Variants in TRERF1 observed in about 807,000 individuals in gnomAD.
The protein encoded by TRERF1 is transcriptional-regulating factor 1.
In TRERF1, 27 loss-of-function variants were observed where a neutral mutation model predicts 122.9. The ratio of observed to expected loss-of-function variants is 0.22; its 90% CI spans 0.16 to 0.30. TRERF1 has a LOEUF of 0.30. TRERF1 is among the 10% of genes least tolerant of loss of function. The pLI is 1.00. For missense variants in TRERF1, 1,248 were observed against 1,560.3 expected (o/e 0.80, Z 3.37); for synonymous variants, 636 against 641.7 (o/e 0.99, Z 0.13).
intron 2 of TRERF1, among the ~76,000 whole-genome samples, chr6:42,411,627 C>A (rs569178062): frequency 2.0e-5 from 3 of 152,306 alleles, no homozygotes; most frequent in African/African-American, 7.2e-5. Context: ...TCAGACCAGA[C>A]ATGACTATAA....
chr6:42,238,595 G>A (rs1297504572), intron 15 of TRERF1, among the ~76,000 whole-genome samples: 1 of 152,060 alleles, frequency 6.6e-6, no homozygotes, highest in African/African-American at 2.4e-5. Context: ...TATGGGGGTG[G>A]GGAGGAGGCC....
intron 3 of TRERF1, among the ~76,000 whole-genome samples, chr6:42,346,369 C>T (rs1242708215): frequency 6.6e-6 from 1 of 152,200 alleles, no homozygotes; most frequent in Non-Finnish European, 1.5e-5. Context: ...GGGCCGACTC[C>T]CCCTGAAGGC....
chr6:42,385,250 T>A lies in TRERF1; in HGVS notation c.-453-22171A>T, dbSNP rs115366790. Among the ~76,000 whole-genome samples, 1,275 of 152,240 alleles carry A rather than the reference T, an allele frequency of 8.4e-3. 21 individuals are homozygous for A. Among genetic ancestry groups the A allele is most frequent in the Admixed American group, 0.037 (573 of 15,288 alleles). ...CCTTGGCCTCCCAAAGTACCGAGATTACAGGTGTGAGCCACTGCACCCGAC... is the reference window on the plus strand; with the variant it reads ...CCTTGGCCTCCCAAAGTACCGAGATAACAGGTGTGAGCCACTGCACCCGAC... On this transcript the variant is annotated intron_variant, in intron 2 of 17. Coordinates refer to ENST00000372922, the Ensembl canonical transcript of TRERF1.
chr6:42,256,718 G>A lies in TRERF1; in HGVS notation c.2580+10C>T. On this transcript the variant is annotated intron_variant, in intron 12 of 17. Coordinates refer to ENST00000372922, the Ensembl canonical transcript of TRERF1. The stretch of plus-strand genomic sequence containing the variant: ...GGAATTTGTAAAGCCTCTTTTTCAT[G>A]GTTCCTTACCATCACATCACCTTTG... 6.2e-7 allele frequency: 1 copy of A among 1,610,482 alleles called. No individual in the cohort carries two copies. Among genetic ancestry groups the A allele is most frequent in the Non-Finnish European group, 8.5e-7 (1 of 1,176,840 alleles).
intron 2 of TRERF1, among the ~76,000 whole-genome samples, chr6:42,421,682 G>A (rs1004234365): frequency 1.3e-5 from 2 of 152,080 alleles, no homozygotes; most frequent in Non-Finnish European, 2.9e-5. Context: ...GCTGAGGCAG[G>A]AGAACTGCTT....
intron 2 of TRERF1, among the ~76,000 whole-genome samples, chr6:42,423,244 T>C (rs1039217358): frequency 3.3e-5 from 5 of 152,246 alleles, no homozygotes; most frequent in Admixed American, 6.5e-5. Context: ...AAGCTGGTTC[T>C]CTCATACAAA....
chr6:42,397,107 T>C (rs1159823627), intron 2 of TRERF1, among the ~76,000 whole-genome samples: 2 of 152,140 alleles, frequency 1.3e-5, no homozygotes, highest in African/African-American at 2.4e-5. Flanking sequence ...GATTAACTGA[T>C]CTGCAGCCCT....
chr6:42,397,555 C>T (rs749315022), intron 2 of TRERF1, among the ~76,000 whole-genome samples: 2 of 152,170 alleles, frequency 1.3e-5, no homozygotes, highest in Non-Finnish European at 2.9e-5. Flanking sequence ...ATGCCTTTGC[C>T]CCAGGAAATG....
chr6:42,268,897 G>C lies in TRERF1; in HGVS notation c.694C>G (p.Leu232Val). The stretch of plus-strand genomic sequence containing the variant: ...AGAGGCTGCTGGTAGTCATAATACA[G>C]GTGCCCTTGGGTAGGGTGCTGCCCG... The change falls in exon 5 of 18, where the codon CTG (leucine) becomes GTG (valine). Residue 232 changes from leucine (L) to valine (V), a missense_variant. Physicochemically the swap from Leu to Val is conservative, Grantham distance 32. Coordinates refer to ENST00000372922, the Ensembl canonical transcript of TRERF1. The surrounding 1 kb of genome is among the most constrained non-coding windows in gnomAD (Gnocchi z 4.4). 1 of 1,613,600 alleles carries C rather than the reference G, an allele frequency of 6.2e-7. No individual in the cohort carries two copies. The highest frequency in any genetic ancestry group is 8.5e-7 in the Non-Finnish European group (1 of 1,179,576).
intron 13 of TRERF1, among the ~76,000 whole-genome samples, chr6:42,248,784 G>C (rs941586959): frequency 4.6e-5 from 7 of 152,312 alleles, no homozygotes; most frequent in African/African-American, 9.6e-5. Flanking sequence ...CGGAGCCTCA[G>C]GGGGGCTGGG....
At chr6:42,349,836 A>G (rs1247849926) in intron 3 of TRERF1, among the ~76,000 whole-genome samples, 2 of 152,110 alleles carry the variant, frequency 1.3e-5, no homozygotes, top group African/African-American at 4.8e-5. Context: ...CCAATATCCC[A>G]CTGATTTATT....
chr6:42,417,831 A>T (rs1468319712), intron 2 of TRERF1, among the ~76,000 whole-genome samples: 1 of 152,256 alleles, frequency 6.6e-6, no homozygotes, highest in Non-Finnish European at 1.5e-5. Context: ...CCAGACTTGC[A>T]TTCAAAGAAA....
chr6:42,291,503 GT>G lies in TRERF1; in HGVS notation c.-259+9134del, dbSNP rs1784316358. Among the ~76,000 whole-genome samples the G allele has an allele frequency of 4.0e-5, 6 of 151,426 alleles. No homozygotes were observed. In the South Asian group the frequency reaches 1.2e-3, roughly 31 times the overall value. The stretch of plus-strand genomic sequence containing the variant: ...TTAAAAGCTCCAGTTATCTGGACAA[GT>G]TTTTTGTTTTGTTTTGTTTCGTTTT... On this transcript the variant is annotated intron_variant, in intron 4 of 17. Coordinates refer to ENST00000372922, the Ensembl canonical transcript of TRERF1.
chr6:42,313,743 T>C (rs1167550854), intron 3 of TRERF1, among the ~76,000 whole-genome samples: 2 of 152,168 alleles, frequency 1.3e-5, no homozygotes, highest in South Asian at 2.1e-4. Flanking sequence ...TGAAGGCATA[T>C]GTGGTGGGGC....
chr6:42,398,331 A>G (rs1778921679), intron 2 of TRERF1, among the ~76,000 whole-genome samples: 1 of 152,200 alleles, frequency 6.6e-6, no homozygotes, highest in East Asian at 1.9e-4. Flanking sequence ...CCAGGACAGA[A>G]TCACCTCTGA....
intron 15 of TRERF1, among the ~76,000 whole-genome samples, chr6:42,238,204 C>T (rs914022803): frequency 1.3e-5 from 2 of 152,170 alleles, no homozygotes; most frequent in African/African-American, 2.4e-5. Context: ...TACAGTTTGG[C>T]ATTTAAAAAT....
At position 42,259,609 on chromosome 6, in the gene TRERF1, G is replaced by C. The variant is rs1305352199; in HGVS notation, c.1999C>G (p.Pro667Ala). ...GCAGCGGGGTTCGGGTTGTAGGAGG[G>C]CGGCGGCGGGATGAAGAGAGGTTCC... The change falls in exon 9 of 18, where the codon CCC (proline) becomes GCC (alanine). Residue 667 changes from proline to alanine, a missense_variant. This residue lies in a region of TRERF1 where 946 missense variants were observed against 1,073.0 expected (regional missense o/e 0.88). Coordinates refer to ENST00000372922, the Ensembl canonical transcript of TRERF1. The surrounding 1 kb of genome is among the most constrained non-coding windows in gnomAD (Gnocchi z 4.9). 1 of 1,613,704 alleles carries C rather than the reference G, an allele frequency of 6.2e-7. No individual in the cohort carries two copies. Among genetic ancestry groups the C allele is most frequent in the Non-Finnish European group, 8.5e-7 (1 of 1,179,966 alleles).
intron 2 of TRERF1, among the ~76,000 whole-genome samples, chr6:42,377,802 T>C (rs1426702630): frequency 1.3e-5 from 2 of 152,202 alleles, no homozygotes; most frequent in Admixed American, 1.3e-4. Flanking sequence ...GAATGTTCAG[T>C]GCCTCTCAAA....
At chr6:42,428,942 T>C (rs1482590903) in intron 2 of TRERF1, among the ~76,000 whole-genome samples, 1 of 152,188 alleles carries the variant, frequency 6.6e-6, no homozygotes, top group Non-Finnish European at 1.5e-5. Context: ...CTCTGAGCCC[T>C]GGGTCACACC....
Sources: gnomAD v4.1 joint callset for allele counts (sites outside exome capture counted in the v4.1 genomes callset) on GRCh38, gnomAD v4.1.1 for gene constraint, gnomAD v4.1.1 regional missense constraint, Gnocchi (gnomAD v3.1) non-coding constraint, MANE v1.5 for transcripts, NCBI Gene and HGNC (gene_info 2026-07-23, HGNC 2026-07-21) for gene names.